The following PITRM1 variants were observed in gnomAD, a reference collection of about 807,000 sequenced individuals.
PITRM1 encodes presequence protease, mitochondrial.
A neutral mutation model predicts 129.9 loss-of-function variants in PITRM1; 100 were observed. That is an observed-to-expected ratio of 0.77 (90% CI 0.65 to 0.91). The LOEUF (loss-of-function observed/expected upper bound fraction) is 0.91, where lower values mean the gene tolerates loss of function less well. Among genes scored for constraint, PITRM1 ranks in the 40% least tolerant of loss-of-function variants. PITRM1 has a pLI of 0.00. For missense variants in PITRM1, 1,471 were observed against 1,318.3 expected, an observed-to-expected ratio of 1.12 and a Z score of -1.79; for synonymous variants, 591 against 508.8, an observed-to-expected ratio of 1.16 and a Z score of -2.17.
chr10:3,148,478 C>A, intron 16 of PITRM1, 187 bp from the exon 17 acceptor site: 1 of 642,178 alleles, frequency 1.6e-6, no homozygotes, highest in Non-Finnish European at 2.5e-6. Context: ...TCATGTGCCC[C>A]CTTCCCCAGG....
intron 14 of PITRM1, among the ~76,000 whole-genome samples, chr10:3,153,152 A>C (rs1841667144): frequency 6.6e-6 from 1 of 152,192 alleles, no homozygotes; most frequent in Non-Finnish European, 1.5e-5. Flanking sequence ...CCTCCTTTCA[A>C]AGAGCTACAC....
At chr10:3,172,833 G>A (rs1843525919), upstream of PITRM1, 1 of 1,499,862 alleles carries the variant, frequency 6.7e-7, no homozygotes, top group Middle Eastern at 1.7e-4. Flanking sequence ...AGGGCGCGGG[G>A]CGGGGCTTGC....
intron 14 of PITRM1, among the ~76,000 whole-genome samples, chr10:3,152,323 T>C (rs1376152426): frequency 6.6e-6 from 1 of 152,134 alleles, no homozygotes; most frequent in African/African-American, 2.4e-5. Context: ...TACAAATGCA[T>C]GATTCCACGA....
At position 3,151,314 on chromosome 10, in the gene PITRM1, C is replaced by A; in HGVS notation, c.1671G>T (p.Leu557=). The A allele has an allele frequency of 6.2e-7, 1 of 1,611,296 alleles. No individual in the cohort carries two copies. ...CAATATCGGAAACTTTCAACGCTGGCAGACAAGAGGCATCTTGAGGTTTGC... is the reference window on the plus strand; with the variant it reads ...CAATATCGGAAACTTTCAACGCTGGAAGACAAGAGGCATCTTGAGGTTTGC... ...QQSKPQDASC[L]PALKVSDIEP... is the part of the protein sequence containing the mutation. The change falls in exon 15 of 27, where the codon CTG becomes CTT. Residue 557 remains leucine, a synonymous_variant. Coordinates refer to ENST00000224949, the MANE Select transcript of PITRM1 (RefSeq NM_014889.4).
chr10:3,168,952 ACACACACACACAC>A (rs1396379180), intron 2 of PITRM1, among the ~76,000 whole-genome samples: 2 of 66,472 alleles, frequency 3.0e-5, no homozygotes, highest in Non-Finnish European at 3.3e-5. Flanking sequence ...ACACACACAC[ACACACACACACAC>A]AATTAGCCAG....
At chr10:3,142,696 C>T (rs1256250070) in intron 23 of PITRM1, among the ~76,000 whole-genome samples, 2 of 151,972 alleles carry the variant, frequency 1.3e-5, no homozygotes. Flanking sequence ...CTGACCCTGA[C>T]TCTTGGCTGT....
chr10:3,155,579 G>A lies in PITRM1; in HGVS notation c.1621+12C>T, dbSNP rs980843625. ...GGTTAGGGACTCGCCAGCTCGGAAG[G>A]AAGCCTCTGACCTTTCTCGTAGATC... On this transcript the variant is annotated intron_variant, in intron 14 of 26. Coordinates refer to ENST00000224949, the MANE Select transcript of PITRM1 (RefSeq NM_014889.4). 5.6e-6 allele frequency: 9 copies of A among 1,613,752 alleles called. No individual in the cohort carries two copies. The highest frequency in any genetic ancestry group is 6.8e-6 in the Non-Finnish European group (8 of 1,179,764).
rs1588641439 is a variant in PITRM1, at chr10:3,144,364, T to G, written c.2460A>C (p.Lys820Asn). Residue 820 changes from lysine (K) to asparagine (N), a missense_variant and splice_region_variant, in exon 22 of 27, where the codon AAA (lysine) becomes AAC (asparagine). Physicochemically the swap from Lys to Asn is moderately conservative, Grantham distance 94 (BLOSUM62 0). Coordinates refer to ENST00000224949, the MANE Select transcript of PITRM1 (RefSeq NM_014889.4). ...CTCCACCAGAGCTGCTGGGCACAGG[T>G]TTCTGAAAATCAAGTTTCCAAGAGA... is the stretch of plus-strand genomic sequence containing the variant. The part of the protein sequence containing the change: ...RRPVRPHTVE[K>N]PVPSSSGGDA... The G allele has an allele frequency of 6.5e-7, 1 of 1,549,274 alleles. No homozygotes were observed. The highest frequency in any genetic ancestry group is 2.4e-5 in the East Asian group (1 of 41,528).
In PITRM1 at chr10:3,148,144, A is replaced by G. The variant is rs1233401742; in HGVS notation, c.1992+27T>C. 1.2e-6 allele frequency: 2 copies of G among 1,613,812 alleles called. 1 individual carries two copies. Among genetic ancestry groups the G allele is most frequent in the Non-Finnish European group, 1.7e-6 (2 of 1,179,818 alleles). The stretch of plus-strand genomic sequence containing the variant: ...ACACTGGAGAAAAGCTTCCCACCGC[A>G]GCAGTCGTCTGACGGTACCAGGCTA... On this transcript the variant is annotated intron_variant, in intron 17 of 26. Transcript: ENST00000224949.
intron 21 of PITRM1, 86 bp downstream of exon 21, chr10:3,145,510 G>A (rs1014448176): frequency 1.0e-5 from 12 of 1,178,226 alleles, no homozygotes; most frequent in African/African-American, 1.5e-5. Context: ...GGACTGCTCT[G>A]AGAATTGAGT....
In PITRM1 at chr10:3,172,716, C is replaced by A. The variant is rs1276234527; in HGVS notation, c.56+1G>T. 1.3e-6 allele frequency: 2 copies of A among 1,540,790 alleles called. No individual in the cohort carries two copies. Among genetic ancestry groups the A allele is most frequent in the Non-Finnish European group, 1.7e-6 (2 of 1,143,738 alleles). On this transcript the variant is annotated splice_donor_variant, in intron 1 of 26. Coordinates refer to ENST00000224949, the MANE Select transcript of PITRM1 (RefSeq NM_014889.4). LOFTEE classifies it high-confidence loss of function. ...GAGCGCCTCCCGTCGCAGCGTCTCA[C>A]CCGCCGCTCAGCCGCCTCAGCACAC...
At chr10:3,164,023 TAAAA>T (rs5782688) in intron 6 of PITRM1, 138 bp from the exon 7 acceptor site, 30 of 333,370 alleles carry the variant, frequency 9.0e-5, no homozygotes, top group East Asian at 2.1e-4. Flanking sequence ...TCTAATGGTT[TAAAA>T]AAAAAAAAAA....
At position 3,139,023 on chromosome 10, in the gene PITRM1, T is replaced by G. The variant is rs1224657058; in HGVS notation, c.2798A>C (p.Gln933Pro). The G allele has an allele frequency of 6.2e-7, 1 of 1,613,890 alleles. No homozygotes were observed. Among genetic ancestry groups the G allele is most frequent in the African/African-American group, 1.3e-5 (1 of 74,954 alleles). Residue 933 changes from glutamine to proline, a missense_variant, in exon 25 of 27, where the codon CAG becomes CCG. Coordinates refer to ENST00000224949, the MANE Select transcript of PITRM1 (RefSeq NM_014889.4). ...CCAGTCGACAGCCTTCCCAAAAGAC[T>G]GGAGCGTCTCTATTGTATTTGGGTC... ...YRDPNTIETL[Q>P]SFGKAVDWAK...
intron 23 of PITRM1, chr10:3,141,802 C>T (rs150082981): frequency 3.0e-6 from 1 of 329,278 alleles, no homozygotes; most frequent in African/African-American, 2.2e-5. Flanking sequence ...GGCGTGTTCC[C>T]AGGGGCTGTG....
chr10:3,145,524 T>A, intron 21 of PITRM1, 72 bp downstream of exon 21: 1 of 1,293,002 alleles, frequency 7.7e-7, no homozygotes, highest in Non-Finnish European at 1.1e-6. Context: ...ATTGAGTTAA[T>A]GCGTGTAAAA....
intron 7 of PITRM1, among the ~76,000 whole-genome samples, chr10:3,162,173 A>C (rs574762201): frequency 0.017 from 2,563 of 151,800 alleles, 61 homozygotes; most frequent in African/African-American, 0.05. Flanking sequence ...AAAAAAAAAA[A>C]AAAAAACAAG....
At chr10:3,143,186 A>C in intron 23 of PITRM1, 1 of 583,162 alleles carries the variant, frequency 1.7e-6, no homozygotes, top group Non-Finnish European at 3.1e-6. Context: ...GTTTACAAAA[A>C]TGACTGGCTC....
Position 3,157,076 on chromosome 10 carries a change from AT to A in PITRM1, c.1348-13del, listed in dbSNP as rs1379798391. 1 of 1,599,576 alleles carries A rather than the reference AT, an allele frequency of 6.3e-7. No homozygotes were observed. ...CAAGAAGCTATGTACTGGAAGGAAG[AT>A]TTCCACATCCACAATGCAGCTGGTA... On this transcript the variant is annotated splice_polypyrimidine_tract_variant and intron_variant, in intron 12 of 26. Transcript: ENST00000224949.
In PITRM1 at chr10:3,157,403, A is replaced by G. The variant is rs771502443; in HGVS notation, c.1347+32T>C. The G allele has an allele frequency of 4.3e-6, 6 of 1,397,184 alleles. No homozygotes were observed. The African/African-American group carries it at 4.3e-5, about 10-fold the overall frequency. 86.5% of individuals were successfully genotyped at this position (1,397,184 alleles called of 1,614,324 possible). On this transcript the variant is annotated intron_variant, in intron 12 of 26. Transcript: ENST00000224949. ...TAACAAGACAAAATGTCTATTATAA[A>G]ACAAAAACAAAATTGTTGAGAGATC...
Sources: gnomAD v4.1 joint callset for allele counts (sites outside exome capture counted in the v4.1 genomes callset) on GRCh38, gnomAD v4.1.1 for gene constraint, MANE v1.5 for transcripts, NCBI Gene and HGNC (gene_info 2026-07-23, HGNC 2026-07-21) for gene names.